Variants in CFAP74 observed in about 807,000 individuals in gnomAD.
The protein encoded by CFAP74 is cilia and flagella associated protein 74.
Under a neutral mutation model 188.9 loss-of-function variants are expected in CFAP74, and 124 were observed. The ratio of observed to expected loss-of-function variants is 0.66; its 90% confidence interval spans 0.57 to 0.76. The LOEUF (loss-of-function observed/expected upper bound fraction) is 0.76. Ranked by LOEUF, CFAP74 falls within the 30% of genes least tolerant of loss-of-function variation. The pLI is 0.00. For synonymous variants in CFAP74, 956 were observed against 916.7 expected (o/e 1.04, Z -0.77); for missense variants, 2,198 against 2,165.2 (o/e 1.02, Z -0.30).
In CFAP74 at chr1:1,946,464, G is replaced by A. The variant is rs76364715; in HGVS notation, c.2242-25C>T. Reference sequence around the variant, plus strand: ...CCTGCACAGGAAGAGATGCCATGGGGTCTGCCAGGCTTCATGGCTTTTAAG... The same window carrying A: ...CCTGCACAGGAAGAGATGCCATGGGATCTGCCAGGCTTCATGGCTTTTAAG... On this transcript the variant is annotated intron_variant, in intron 19 of 38. Transcript: ENST00000682832. 1.9e-3 allele frequency: 2,887 copies of A among 1,517,434 alleles called. 49 individuals are homozygous for A. The African/African-American group carries it at 0.034, about 18-fold the overall frequency. 94.0% of individuals were successfully genotyped at this position (1,517,434 alleles called of 1,614,324 possible).
intron 18 of CFAP74, chr1:1,953,164 G>A (rs1482306626): frequency 1.3e-5 from 2 of 152,166 alleles, no homozygotes; most frequent in African/African-American, 2.4e-5. Context: ...ACACTACCTG[G>A]CTTCAAGGCT....
At position 1,922,339 on chromosome 1, in the gene CFAP74, A is replaced by T. The variant is rs986396178; in HGVS notation, c.4868T>A (p.Val1623Glu). Residue 1623 changes from valine (V) to glutamate (E), a missense_variant, in exon 39 of 39, where the codon GTG (valine) becomes GAG (glutamate). By Grantham distance (121) the Val-to-Glu change is moderately radical. Transcript: ENST00000682832. ...VSALLQLRGD[V>E]KETYKVIFVA... ...AAAGATGACCTTGTAGGTCTCCTTC[A>T]CATCCCCCCTTAGCTGCAGCAGGGC... 6.2e-7 allele frequency: 1 copy of T among 1,604,924 alleles called. No homozygotes were observed. Among genetic ancestry groups the T allele is most frequent in the Non-Finnish European group, 8.5e-7 (1 of 1,177,504 alleles).
chr1:1,942,824 A>G lies in CFAP74; in HGVS notation c.2487-668T>C, dbSNP rs1653477909. On this transcript the variant is annotated intron_variant, in intron 21 of 38. Transcript: ENST00000682832. The surrounding 1 kb of genome is among the most constrained non-coding windows in gnomAD (Gnocchi z 4.3). The stretch of plus-strand genomic sequence containing the variant: ...AACAGTGTTGTGGCCGCCCCGCCAC[A>G]GCTGCCCCGGGCAATCCACGAGGGG... Among the ~76,000 whole-genome samples the G allele has an allele frequency of 6.6e-6, 1 of 152,124 alleles. No individual in the cohort carries two copies. The highest frequency in any genetic ancestry group is 2.4e-5 in the African/African-American group (1 of 41,422).
In CFAP74 at chr1:1,926,375, C is replaced by G. The variant is rs756622303; in HGVS notation, c.3829-28G>C. On this transcript the variant is annotated intron_variant, in intron 31 of 38. Transcript: ENST00000682832. ...GAGGGTCCACGTCAAGGAGGGGATA[C>G]AGGTGTCTGCAGGCTCTACCACGCC... The G allele has an allele frequency of 3.4e-5, 53 of 1,549,876 alleles. No homozygotes were observed. The Admixed American group carries it at 5.1e-4, about 15-fold the overall frequency.
chr1:1,958,944 C>T (rs374033231), intron 16 of CFAP74, among the ~76,000 whole-genome samples, 176 bp downstream of exon 16: 6 of 152,146 alleles, frequency 3.9e-5, no homozygotes, highest in Admixed American at 6.5e-5. Context: ...ACCTAAGGTT[C>T]GGCTCAGGCC....
intron 20 of CFAP74, among the ~76,000 whole-genome samples, chr1:1,944,675 C>T (rs2803338): frequency 0.41 from 61,654 of 152,116 alleles, 14,201 homozygotes; most frequent in Admixed American, 0.53. Context: ...GGTGCGATCT[C>T]GGCTCACTGC....
chr1:2,003,665 A>T (rs1231379961), intron 1 of CFAP74, 36 bp downstream of exon 1: 6 of 152,162 alleles, frequency 3.9e-5, no homozygotes, highest in Non-Finnish European at 8.8e-5. Context: ...CTTCCAGCTC[A>T]GCCCCAGGGT....
At chr1:1,972,118 T>C (rs756929447) in intron 8 of CFAP74, 36 bp from the exon 9 acceptor site, 1 of 1,530,196 alleles carries the variant, frequency 6.5e-7, no homozygotes, top group Non-Finnish European at 9.0e-7. Context: ...TGAGGCTCTG[T>C]CGCCCAGGCT....
chr1:1,958,883 G>A (rs1570915131), intron 16 of CFAP74, among the ~76,000 whole-genome samples: 1 of 152,322 alleles, frequency 6.6e-6, no homozygotes, highest in East Asian at 1.9e-4. Flanking sequence ...ACAGAGCAGG[G>A]TTTGTCTCAT....
At chr1:1,970,129 C>T (rs993770204) in intron 10 of CFAP74, among the ~76,000 whole-genome samples, 3 of 152,152 alleles carry the variant, frequency 2.0e-5, no homozygotes, top group South Asian at 2.1e-4. Flanking sequence ...TGGAGAAGAA[C>T]AGAGAGTGAA....
At chr1:1,935,011 G>T (rs767140204) in intron 25 of CFAP74, among the ~76,000 whole-genome samples, 1 of 85,862 alleles carries the variant, frequency 1.2e-5, no homozygotes, top group Non-Finnish European at 2.5e-5. Context: ...GTGTGTATGT[G>T]TGTTGCTGTG....
intron 18 of CFAP74, among the ~76,000 whole-genome samples, chr1:1,947,983 C>G (rs1196080423): frequency 6.6e-6 from 1 of 152,152 alleles, no homozygotes; most frequent in Non-Finnish European, 1.5e-5. Flanking sequence ...AGTAATTCTC[C>G]TGCCTCAGCC....
In CFAP74 at chr1:1,970,682, G is replaced by A. The variant is rs371291139; in HGVS notation, c.1023C>T (p.Arg341=). ...ACCTCTTCTGGGCCTCCAGCTCCTG[G>A]CGCCGGCGCTGGTGGACAAGGTGCC... is the stretch of plus-strand genomic sequence containing the variant. ...AFRHLVHQRR[R]QELEAQKRAF... Residue 341 remains arginine (R), a synonymous_variant, in exon 10 of 39, where the codon CGC becomes CGT. Transcript: ENST00000682832. 74 of 1,611,660 alleles carry A rather than the reference G, an allele frequency of 4.6e-5. No individual in the cohort carries two copies. The African/African-American group carries it at 9.1e-4, about 20-fold the overall frequency.
chr1:1,963,332 T>A (rs1043566405), intron 14 of CFAP74, among the ~76,000 whole-genome samples: 4 of 151,610 alleles, frequency 2.6e-5, no homozygotes, highest in Admixed American at 1.3e-4. Flanking sequence ...GTGCCTGTAA[T>A]CCCAGCTACT....
Position 2,003,746 on chromosome 1 carries a change from A to C in CFAP74, c.-65T>G, listed in dbSNP as rs1358131408. On this transcript the variant is annotated 5_prime_UTR_variant, in exon 1 of 39. Transcript: ENST00000682832. ...AGGTTCTCGGGCTCCGGAGGCACAG[A>C]CACCCCGGGCTGCTCAGGCAGGCGG... 1.3e-5 allele frequency: 2 copies of C among 152,398 alleles called. No homozygotes were observed. Among genetic ancestry groups the C allele is most frequent in the East Asian group, 3.9e-4 (2 of 5,184 alleles). The allele number at this position is 152,398 out of a possible 1,614,324, so 9.4% of individuals were successfully genotyped here.
rs76731603 is a variant in CFAP74, at chr1:1,975,159, G to A, written c.501-961C>T. Among the ~76,000 whole-genome samples the A allele has an allele frequency of 3.9e-5, 6 of 152,292 alleles. No homozygotes were observed. The highest frequency in any genetic ancestry group is 2.1e-4 in the South Asian group (1 of 4,828). On this transcript the variant is annotated intron_variant, in intron 6 of 38. Coordinates refer to ENST00000682832, the MANE Select transcript of CFAP74 (RefSeq NM_001304360.2). This position sits in a 1 kb window ranked among gnomAD's most constrained non-coding sequence, Gnocchi z 4.5. ...CATGTTCATTTCCACTTCGTCTTTC[G>A]TTAAAAGCTTTTCCTGTGGAGCCGA...
chr1:1,963,657 G>A (rs1014328486), intron 14 of CFAP74, 92 bp downstream of exon 14: 16 of 776,160 alleles, frequency 2.1e-5, no homozygotes, highest in African/African-American at 3.5e-5. Flanking sequence ...TGCCCATATA[G>A]AGCCTGTTCC....
At position 1,935,034 on chromosome 1, in the gene CFAP74, T is replaced by C. The variant is rs1311784284; in HGVS notation, c.3011+3821A>G. Among the ~76,000 whole-genome samples, 2 of 78,292 alleles carry C rather than the reference T, an allele frequency of 2.6e-5. 1 individual carries two copies. The highest frequency in any genetic ancestry group is 5.2e-5 in the Non-Finnish European group (2 of 38,498). The allele number at this position is 78,292 out of a possible 152,430, so 51.4% of individuals were successfully genotyped here. A position where few individuals can be genotyped will look rare whatever the true frequency, so the allele number is the denominator to read the frequency against. On this transcript the variant is annotated intron_variant, in intron 25 of 38. Transcript: ENST00000682832. ...GTGTGTTGCTGTGGGTACACACGTG[T>C]GTACGTGGGTGTTAGGCTGTGGGTA...
intron 27 of CFAP74, 51 bp from the exon 28 acceptor site, chr1:1,927,797 C>T (rs1652034216): frequency 4.6e-6 from 7 of 1,518,212 alleles, no homozygotes; most frequent in Non-Finnish European, 6.2e-6. Flanking sequence ...TAAACACAGC[C>T]AGCTGTGCCC....
Sources: gnomAD v4.1 joint callset for allele counts (sites outside exome capture counted in the v4.1 genomes callset) on GRCh38, gnomAD v4.1.1 for gene constraint, Gnocchi (gnomAD v3.1) non-coding constraint, MANE v1.5 for transcripts, NCBI Gene and HGNC (gene_info 2026-07-23, HGNC 2026-07-21) for gene names.